The following MEF2A variants were observed in gnomAD, a reference collection of about 807,000 sequenced individuals.
MEF2A encodes the protein myocyte enhancer factor 2A.
In MEF2A, 28 loss-of-function variants were observed where a neutral mutation model predicts 55.8. The ratio of observed to expected loss-of-function variants is 0.50; its 90% confidence interval spans 0.37 to 0.69. The LOEUF (loss-of-function observed/expected upper bound fraction) is 0.69, where lower values mean the gene tolerates loss of function less well. Among genes scored for constraint, MEF2A ranks in the 30% least tolerant of loss-of-function variants. The pLI is 0.00. For synonymous variants in MEF2A, 239 were observed against 227.1 expected (o/e 1.05, Z -0.47); for missense variants, 528 against 626.2 (o/e 0.84, Z 1.67).
intron 2 of MEF2A, among the ~76,000 whole-genome samples, chr15:99,601,787 G>A (rs1973086423): frequency 6.6e-6 from 1 of 150,446 alleles, no homozygotes; most frequent in African/African-American, 2.5e-5. Flanking sequence ...GAAGGCATTG[G>A]ATTGTAGTTT....
At chr15:99,594,015 C>T (rs947801004) in intron 1 of MEF2A, among the ~76,000 whole-genome samples, 1 of 152,142 alleles carries the variant, frequency 6.6e-6, no homozygotes, top group Non-Finnish European at 1.5e-5. Flanking sequence ...GAGGGTTTCC[C>T]ACTTACCAAG....
chr15:99,578,947 G>A (rs1965145617), intron 1 of MEF2A, among the ~76,000 whole-genome samples: 1 of 152,244 alleles, frequency 6.6e-6, no homozygotes, highest in African/African-American at 2.4e-5. Context: ...GCTTATGTGA[G>A]TGTCCTAAGG....
At chr15:99,570,376 A>G (rs1394648432) in intron 1 of MEF2A, among the ~76,000 whole-genome samples, 1 of 152,224 alleles carries the variant, frequency 6.6e-6, no homozygotes, top group Non-Finnish European at 1.5e-5. Flanking sequence ...AAAATAAACA[A>G]GAAAACATGA....
At chr15:99,667,070 T>C (rs967439211) in intron 4 of MEF2A, among the ~76,000 whole-genome samples, 8 of 152,344 alleles carry the variant, frequency 5.3e-5, no homozygotes, top group African/African-American at 1.9e-4. Context: ...ATACTACTTC[T>C]TCCTTTTAAA....
At chr15:99,620,510 G>A (rs1410505730) in intron 2 of MEF2A, among the ~76,000 whole-genome samples, 3 of 152,140 alleles carry the variant, frequency 2.0e-5, no homozygotes, top group Non-Finnish European at 2.9e-5. Context: ...TGCTGCAAAG[G>A]ACATGATTTT....
At chr15:99,661,077 A>C (rs972113750) in intron 4 of MEF2A, among the ~76,000 whole-genome samples, 1 of 152,192 alleles carries the variant, frequency 6.6e-6, no homozygotes, top group African/African-American at 2.4e-5. Flanking sequence ...AATAGCTCAG[A>C]AACAGGACCA....
intron 1 of MEF2A, among the ~76,000 whole-genome samples, chr15:99,586,749 A>AT (rs1967422215): frequency 6.6e-6 from 1 of 151,756 alleles, no homozygotes; most frequent in African/African-American, 2.4e-5. Context: ...GGGCAGTGGG[A>AT]TTTTTGTCTC....
In MEF2A at chr15:99,574,044, A is replaced by AT. The variant is rs560478406; in HGVS notation, c.-225+7951dup. Among the ~76,000 whole-genome samples, 173 of 149,410 alleles carry AT rather than the reference A, an allele frequency of 1.2e-3. 1 individual carries two copies. The highest frequency in any genetic ancestry group is 2.9e-3 in the African/African-American group (118 of 40,900). ...CAAAGTACAGTTTTAGGGTTGACAG[A>AT]TTTTTTTTTTTAAATTTATTTCGGA... is the stretch of plus-strand genomic sequence containing the variant. On this transcript the variant is annotated intron_variant, in intron 1 of 11. Coordinates refer to ENST00000557942, the MANE Select transcript of MEF2A (RefSeq NM_001319206.4).
intron 9 of MEF2A, among the ~76,000 whole-genome samples, chr15:99,704,864 C>T (rs2057839144): frequency 6.6e-6 from 1 of 152,120 alleles, no homozygotes; most frequent in South Asian, 2.1e-4. Flanking sequence ...AAATATATTC[C>T]GAACTGGCAT....
chr15:99,622,138 A>C (rs993435883), intron 2 of MEF2A, among the ~76,000 whole-genome samples: 4 of 152,222 alleles, frequency 2.6e-5, no homozygotes, highest in Non-Finnish European at 4.4e-5. Context: ...TTAAATTAAG[A>C]CAGTAGAGCC....
chr15:99,691,582 C>T (rs1421202134), intron 8 of MEF2A, among the ~76,000 whole-genome samples: 1 of 152,082 alleles, frequency 6.6e-6, no homozygotes, highest in Non-Finnish European at 1.5e-5. Context: ...CCTGTAATCC[C>T]AGCTACTCAG....
intron 1 of MEF2A, among the ~76,000 whole-genome samples, chr15:99,573,401 T>C (rs534022558): frequency 1.3e-5 from 2 of 152,312 alleles, no homozygotes; most frequent in South Asian, 4.1e-4. Flanking sequence ...AATTATAATC[T>C]TACTTTATGT....
chr15:99,699,935 A>G (rs1355838204), intron 8 of MEF2A, among the ~76,000 whole-genome samples: 12 of 149,060 alleles, frequency 8.1e-5, no homozygotes, highest in Non-Finnish European at 1.3e-4. Flanking sequence ...TAGTTGAAGG[A>G]TTCAGTAAGA....
At chr15:99,609,465 A>AGTAC (rs1288332031) in intron 2 of MEF2A, among the ~76,000 whole-genome samples, 1 of 152,254 alleles carries the variant, frequency 6.6e-6, no homozygotes, top group Non-Finnish European at 1.5e-5. Flanking sequence ...TTATATTCAA[A>AGTAC]GTACAGTTTA....
At chr15:99,657,872 A>G (rs1030687836) in intron 4 of MEF2A, among the ~76,000 whole-genome samples, 1 of 152,172 alleles carries the variant, frequency 6.6e-6, no homozygotes, top group African/African-American at 2.4e-5. Context: ...TTGTAAACCA[A>G]GTTACCAGCA....
At chr15:99,590,681 T>TAC (rs1252069561) in intron 1 of MEF2A, among the ~76,000 whole-genome samples, 1 of 151,974 alleles carries the variant, frequency 6.6e-6, no homozygotes, top group East Asian at 1.9e-4. Context: ...CGTAGGGTTT[T>TAC]ACAACATGAA....
chr15:99,567,269 G>A (rs1960067141), intron 1 of MEF2A, among the ~76,000 whole-genome samples: 1 of 152,188 alleles, frequency 6.6e-6, no homozygotes, highest in Non-Finnish European at 1.5e-5. Flanking sequence ...AATAGCATAT[G>A]TATTTTTAAA....
chr15:99,695,222 G>A (rs2056239011), intron 8 of MEF2A, among the ~76,000 whole-genome samples: 1 of 152,006 alleles, frequency 6.6e-6, no homozygotes, highest in African/African-American at 2.4e-5. Context: ...TGTAGCACAT[G>A]TAAAAATAAA....
intron 1 of MEF2A, among the ~76,000 whole-genome samples, chr15:99,578,519 A>T (rs1964999705): frequency 6.6e-6 from 1 of 152,196 alleles, no homozygotes; most frequent in Non-Finnish European, 1.5e-5. Context: ...TCTTTCCCAC[A>T]AAGCCCTGGC....
Sources: allele counts gnomAD v4.1 joint callset (sites outside exome capture counted in the v4.1 genomes callset), GRCh38; gene constraint gnomAD v4.1.1; transcripts MANE v1.5; gene names NCBI Gene and HGNC (gene_info 2026-07-23, HGNC 2026-07-21).